Variants in ANAPC5 observed in about 807,000 individuals in gnomAD.
ANAPC5 encodes anaphase-promoting complex subunit 5.
In ANAPC5, 60 loss-of-function variants were observed where a neutral mutation model predicts 91.3. The ratio of observed to expected loss-of-function variants is 0.66; its 90% CI spans 0.53 to 0.81. The LOEUF is 0.81. ANAPC5 is among the 40% of genes least tolerant of loss of function. ANAPC5 has a pLI of 0.00. For synonymous variants in ANAPC5, 340 were observed against 364.1 expected, an observed-to-expected ratio of 0.93 and a Z score of 0.75; for missense variants, 690 against 931.5, an observed-to-expected ratio of 0.74 and a Z score of 3.37.
chr12:121,328,141 A>C, intron 10 of ANAPC5, 175 bp downstream of exon 10: 1 of 594,140 alleles, frequency 1.7e-6, no homozygotes, highest in South Asian at 2.6e-5. Context: ...ATGGGAAAAA[A>C]GTTTTCAGTC....
intron 12 of ANAPC5, 116 bp from the exon 13 acceptor site, chr12:121,319,934 T>G (rs1437024058): frequency 7.6e-6 from 8 of 1,051,980 alleles, no homozygotes; most frequent in Non-Finnish European, 1.0e-5. Flanking sequence ...ACACATATTC[T>G]TTTTTGGGGG....
intron 15 of ANAPC5, among the ~76,000 whole-genome samples, chr12:121,315,673 T>C (rs1215914157): frequency 6.6e-6 from 1 of 152,156 alleles, no homozygotes. Context: ...AACTGGTTTT[T>C]AACAGGGGTA....
rs139347356 is a variant in ANAPC5 at position 121,314,552 on chromosome 12, C to T, written c.1893+3725G>A. Among the ~76,000 whole-genome samples the T allele has an allele frequency of 2.0e-5, 3 of 151,990 alleles. No individual in the cohort carries two copies. In the East Asian group the frequency reaches 5.8e-4, roughly 29 times the overall value. The stretch of plus-strand genomic sequence containing the variant: ...ACTTCCTCAACCTCTATAAAAAACC[C>T]ACAGCTAGCATGATATTTGATGATG... On this transcript the variant is annotated intron_variant, in intron 15 of 16. Coordinates refer to ENST00000261819, the MANE Select transcript of ANAPC5 (RefSeq NM_016237.5).
chr12:121,319,703 A>G lies in ANAPC5; in HGVS notation c.1631T>C (p.Val544Ala), dbSNP rs1593579771. 6.2e-7 allele frequency: 1 copy of G among 1,605,138 alleles called. No homozygotes were observed. Among genetic ancestry groups the G allele is most frequent in the Non-Finnish European group, 8.5e-7 (1 of 1,177,576 alleles). ...AGTTTTCAAGGTTTCTTACCTATAA[A>G]CACCCTCTATGCTATTGAGAGCTGT... Reference protein sequence around the residue: ...GITALNSIEGVYRKAVVLQAQ... With the variant: ...GITALNSIEGAYRKAVVLQAQ... The change falls in exon 13 of 17, where the codon GTT (valine) becomes GCT (alanine). Residue 544 changes from valine (V) to alanine (A), a missense_variant. Physicochemically the swap from Val to Ala is moderately conservative, Grantham distance 64 (BLOSUM62 0). This residue lies in a region of ANAPC5 where 317 missense variants were observed against 438.7 expected (regional missense o/e 0.72). Coordinates refer to ENST00000261819, the MANE Select transcript of ANAPC5 (RefSeq NM_016237.5).
chr12:121,345,699 C>T (rs1903639940), intron 4 of ANAPC5, 140 bp downstream of exon 4: 1 of 855,428 alleles, frequency 1.2e-6, no homozygotes, highest in Non-Finnish European at 1.8e-6. Flanking sequence ...CTGGTGCAGC[C>T]CTTATCAGTT....
upstream of ANAPC5, among the ~76,000 whole-genome samples, chr12:121,353,205 C>G (rs1903974096): frequency 6.6e-6 from 1 of 152,150 alleles, no homozygotes; most frequent in Non-Finnish European, 1.5e-5. Context: ...ACTACAAAAT[C>G]TATACTCTGC....
chr12:121,339,254 T>C (rs1336815880), intron 5 of ANAPC5, among the ~76,000 whole-genome samples: 1 of 152,108 alleles, frequency 6.6e-6, no homozygotes, highest in Non-Finnish European at 1.5e-5. Flanking sequence ...CTTCTCCATG[T>C]TGGCCAGGGT....
Position 121,335,574 on chromosome 12 carries a change from G to A in ANAPC5, c.909C>T (p.Ala303=), listed in dbSNP as rs151169485. 47 of 1,613,394 alleles carry A rather than the reference G, an allele frequency of 2.9e-5. No individual in the cohort carries two copies. The highest frequency in any genetic ancestry group is 1.2e-4 in the African/African-American group (9 of 74,902). Residue 303 remains alanine (A), a synonymous_variant, in exon 7 of 17, where the codon GCC becomes GCT. Transcript: ENST00000261819. ...EEGYGRSLRY[A]ALNLAALHCR... Reference sequence around the variant, plus strand: ...AGTGCAGGGCGGCAAGATTCAGAGCGGCGTATCTCAAGCTCCGGCCATAGC... The same window carrying A: ...AGTGCAGGGCGGCAAGATTCAGAGCAGCGTATCTCAAGCTCCGGCCATAGC...
chr12:121,327,367 T>A, intron 10 of ANAPC5, 136 bp from the exon 11 acceptor site: 1 of 1,060,728 alleles, frequency 9.4e-7, no homozygotes, highest in Non-Finnish European at 1.3e-6. Context: ...AGCAGATGCC[T>A]CCCAGTGCCA....
At chr12:121,338,742 T>C (rs542049303) in intron 5 of ANAPC5, among the ~76,000 whole-genome samples, 4 of 152,290 alleles carry the variant, frequency 2.6e-5, no homozygotes, top group African/African-American at 4.8e-5. Context: ...CTTTAGTGTA[T>C]ATTATCCTAG....
chr12:121,341,104 G>A (rs1045563914), intron 5 of ANAPC5, among the ~76,000 whole-genome samples: 2 of 151,744 alleles, frequency 1.3e-5, no homozygotes, highest in Non-Finnish European at 2.9e-5. Flanking sequence ...CAGAGGTGTC[G>A]GTGAGCTGAG....
chr12:121,347,288 G>T (rs145225603), intron 2 of ANAPC5: 218 of 364,736 alleles, frequency 6.0e-4, no homozygotes, highest in African/African-American at 4.3e-3. Flanking sequence ...GATCCATAAG[G>T]AATAATAAAA....
chr12:121,318,115 C>T (rs1198109167), intron 15 of ANAPC5, 162 bp downstream of exon 15: 1 of 803,392 alleles, frequency 1.2e-6, no homozygotes, highest in East Asian at 3.3e-5. Flanking sequence ...AGGTTCACAC[C>T]TCCACAGGCC....
upstream of ANAPC5, chr12:121,352,561 CA>C (rs1903946786): frequency 2.0e-6 from 1 of 506,418 alleles, no homozygotes; most frequent in Admixed American, 3.6e-5. Context: ...AGGGGTGCAC[CA>C]AAAGACTGAC....
At chr12:121,324,741 G>T (rs1902745236) in intron 11 of ANAPC5, among the ~76,000 whole-genome samples, 1 of 151,968 alleles carries the variant, frequency 6.6e-6, no homozygotes, top group African/African-American at 2.4e-5. Flanking sequence ...TAAGAAACAA[G>T]AATTAAAATA....
rs556420425 is a variant in ANAPC5, at chr12:121,318,685, G to A, written c.1638-77C>T. The A allele has an allele frequency of 1.5e-4, 189 of 1,267,630 alleles. No individual in the cohort carries two copies. The African/African-American group carries it at 2.2e-3, about 15-fold the overall frequency. The allele number at this position is 1,267,630 out of a possible 1,614,324, so 78.5% of individuals were successfully genotyped here. A position where few individuals can be genotyped will look rare whatever the true frequency, so the allele number is the denominator to read the frequency against. ...TAAGAATCTCAATTTATTCAATTGC[G>A]CTATAAACCTCCCAAGGGAAAAAAC... On this transcript the variant is annotated intron_variant, in intron 13 of 16. Transcript: ENST00000261819.
At chr12:121,325,506 T>TAA (rs112149286) in intron 11 of ANAPC5, among the ~76,000 whole-genome samples, 1,005 of 62,110 alleles carry the variant, frequency 0.016, 16 homozygotes, top group African/African-American at 0.027. Flanking sequence ...AATTAAAAAT[T>TAA]AAAAAAAAAA....
upstream of ANAPC5, among the ~76,000 whole-genome samples, chr12:121,354,110 T>C (rs1477431465): frequency 6.7e-6 from 1 of 150,294 alleles, no homozygotes; most frequent in Non-Finnish European, 1.5e-5. Flanking sequence ...TGCCTCAGCC[T>C]CCCGAGTAGC....
intron 15 of ANAPC5, among the ~76,000 whole-genome samples, chr12:121,317,180 T>C (rs969446113): frequency 6.6e-6 from 1 of 152,090 alleles, no homozygotes; most frequent in African/African-American, 2.4e-5. Context: ...GGTTGCACAA[T>C]GTTGTCAATA....
Sources: gnomAD v4.1 joint callset for allele counts (sites outside exome capture counted in the v4.1 genomes callset) on GRCh38, gnomAD v4.1.1 for gene constraint, gnomAD v4.1.1 regional missense constraint, MANE v1.5 for transcripts, NCBI Gene and HGNC (gene_info 2026-07-23, HGNC 2026-07-21) for gene names.